The following STAB1 variants were observed in gnomAD, a reference collection of about 807,000 sequenced individuals.
The protein encoded by STAB1 is stabilin-1.
STAB1 carries 250 observed loss-of-function variants against 332.4 expected under a neutral mutation model. The ratio of observed to expected loss-of-function variants is 0.75; its 90% CI spans 0.68 to 0.84. The LOEUF (loss-of-function observed/expected upper bound fraction) is 0.84. STAB1 is among the 40% of genes least tolerant of loss of function. The probability of loss-of-function intolerance (pLI) is 0.00; values close to 1 mark genes in which losing one functional copy is unlikely to be tolerated. For synonymous variants in STAB1, 1,475 were observed against 1,390.4 expected (o/e 1.06, Z -1.35); for missense variants, 3,249 against 3,489.7 (o/e 0.93, Z 1.74).
In STAB1 at chr3:52,518,668, T is replaced by G. The variant is rs1049046969; in HGVS notation, c.4887+55T>G. On this transcript the variant is annotated intron_variant, in intron 47 of 68. Transcript: ENST00000321725. Reference sequence around the variant, plus strand: ...GGGCTGGGTGCTCTGGTGGTGGCCCTGCGTGGGCTGAGGCGGCAGTCAGGG... The same window carrying G: ...GGGCTGGGTGCTCTGGTGGTGGCCCGGCGTGGGCTGAGGCGGCAGTCAGGG... The G allele has an allele frequency of 2.5e-6, 4 of 1,611,560 alleles. No individual in the cohort carries two copies. In the African/African-American group the frequency reaches 5.3e-5, roughly 22 times the overall value.
chr3:52,518,934 C>G (rs2078975973), intron 48 of STAB1, 65 bp downstream of exon 48: 7 of 1,444,696 alleles, frequency 4.8e-6, no homozygotes, highest in Admixed American at 2.6e-5. Context: ...CGCCATTGCC[C>G]CAGGCCCCAC....
intron 6 of STAB1, 102 bp from the exon 7 acceptor site, chr3:52,502,897 G>T: frequency 7.9e-7 from 1 of 1,263,114 alleles, no homozygotes. Flanking sequence ...AGCAAGGTCA[G>T]GGCCCTGCTC....
At chr3:52,499,389 G>A (rs1222938944) in intron 1 of STAB1, among the ~76,000 whole-genome samples, 1 of 152,242 alleles carries the variant, frequency 6.6e-6, no homozygotes, top group Non-Finnish European at 1.5e-5. Context: ...CCATGCCGTG[G>A]TGGCAGGCTG....
intron 54 of STAB1, 37 bp downstream of exon 54, chr3:52,520,735 G>T: frequency 6.2e-7 from 1 of 1,612,406 alleles, no homozygotes; most frequent in Non-Finnish European, 8.5e-7. Context: ...TGGTGGGGTG[G>T]GGGCAGGCAG....
intron 22 of STAB1, chr3:52,509,578 A>C (rs934987199): frequency 6.8e-6 from 4 of 592,000 alleles, no homozygotes; most frequent in African/African-American, 1.9e-5. Flanking sequence ...CACCCAGGCC[A>C]GGAAGGGAAC....
rs772786796 is a variant in STAB1 at position 52,502,166 on chromosome 3, TC to T, written c.427del (p.Arg143AlafsTer107). The T allele has an allele frequency of 6.2e-7, 1 of 1,613,356 alleles. No homozygotes were observed. Reference sequence around the variant, plus strand: ...TGGTGCATCCACCACCAGGAAAACTTCCGCGGCTCAGCCTGCCAGGAGTGCC... The same window carrying T: ...TGGTGCATCCACCACCAGGAAAACTTCGCGGCTCAGCCTGCCAGGAGTGCC... ...RNGTCVCQEN[F>X]RGSACQECQD... On this transcript the variant is annotated frameshift_variant, in exon 5 of 69. Transcript: ENST00000321725. LOFTEE classifies it high-confidence loss of function.
rs772956027 is a variant in STAB1 at position 52,507,717 on chromosome 3, C to T, written c.2052+42C>T. 1.2e-5 allele frequency: 19 copies of T among 1,610,998 alleles called. No individual in the cohort carries two copies. In the African/African-American group the frequency reaches 1.9e-4, roughly 16 times the overall value. ...CCAGCTCTCAGGGCCTCCTGACTGC[C>T]TGTTGAGGTTTCTGCCCTGGGTCAC... is the stretch of plus-strand genomic sequence containing the variant. On this transcript the variant is annotated intron_variant, in intron 19 of 68. Transcript: ENST00000321725.
intron 11 of STAB1, 64 bp from the exon 12 acceptor site, chr3:52,504,675 G>T: frequency 6.2e-7 from 1 of 1,612,810 alleles, no homozygotes; most frequent in Non-Finnish European, 8.5e-7. Context: ...TCCATTGCTG[G>T]GTAGAGGTGG....
chr3:52,517,896 AG>A lies in STAB1; in HGVS notation c.4655del (p.Ser1552ThrfsTer39). 1 of 1,612,000 alleles carries A rather than the reference AG, an allele frequency of 6.2e-7. No homozygotes were observed. Among genetic ancestry groups the A allele is most frequent in the African/African-American group, 1.3e-5 (1 of 75,002 alleles). ...DPCSKNNGGC[S>X]PYATCKSTGD... ...CCTGACTCAGAACAATGGAGGATGC[AG>A]CCCATATGCCACCTGCAAAAGCACA... On this transcript the variant is annotated frameshift_variant, in exon 45 of 69. Coordinates refer to ENST00000321725, the MANE Select transcript of STAB1 (RefSeq NM_015136.3). LOFTEE classifies it high-confidence loss of function.
chr3:52,516,319 C>T, intron 38 of STAB1, 37 bp from the exon 39 acceptor site: 1 of 1,605,478 alleles, frequency 6.2e-7, no homozygotes, highest in Non-Finnish European at 8.5e-7. Context: ...AGGATGGAGG[C>T]ACTGGGCAAC....
At position 52,495,441 on chromosome 3, in the gene STAB1, C is replaced by T. The variant is rs779633970; in HGVS notation, c.28C>T (p.Leu10Phe). 3.7e-6 allele frequency: 5 copies of T among 1,345,484 alleles called. No homozygotes were observed. The African/African-American group carries it at 7.5e-5, about 20-fold the overall frequency. The allele number at this position is 1,345,484 out of a possible 1,614,324, so 83.3% of individuals were successfully genotyped here. The change falls in exon 1 of 69, where the codon CTC (leucine) becomes TTC (phenylalanine). Residue 10 changes from leucine to phenylalanine, a missense_variant. Transcript: ENST00000321725. ...GGCGGGGCCCCGGGGCCTCCTCCCA[C>T]TCTGCCTCCTGGCCTTCTGCCTGGC... MAGPRGLLP[L>F]CLLAFCLAGF...
intron 10 of STAB1, 138 bp downstream of exon 10, chr3:52,504,293 T>G (rs1363075854): frequency 6.9e-7 from 1 of 1,446,276 alleles, no homozygotes; most frequent in Non-Finnish European, 9.3e-7. Flanking sequence ...GGGGGGTGCA[T>G]GCAGGGGGTG....
chr3:52,523,401 G>T (rs774872155), intron 64 of STAB1, 26 bp from the exon 65 acceptor site: 1 of 1,609,456 alleles, frequency 6.2e-7, no homozygotes, highest in East Asian at 2.2e-5. Context: ...TCTGGCCCAG[G>T]CCAACAGGCC....
Position 52,522,607 on chromosome 3 carries a change from G to A in STAB1, c.6663G>A (p.Leu2221=). The change falls in exon 61 of 69, where the codon CTG becomes CTA. Residue 2221 remains leucine, a synonymous_variant. Transcript: ENST00000321725. ...AGGCCACCAGCGGCCCTTATGGTCT[G>A]AACTTTTCGGAGGCTGAGGCGGCAT... ...HLQATSGPYG[L]NFSEAEAACE... The A allele has an allele frequency of 1.9e-6, 3 of 1,613,026 alleles. No homozygotes were observed. The highest frequency in any genetic ancestry group is 1.1e-5 in the South Asian group (1 of 91,084).
Position 52,513,906 on chromosome 3 carries a change from T to A in STAB1, c.3372T>A (p.Asp1124Glu). The change falls in exon 32 of 69, where the codon GAT (aspartate) becomes GAA (glutamate). Residue 1124 changes from aspartate to glutamate, a missense_variant. Transcript: ENST00000321725. ...LSQVLLPPRG[D>E]VPGGQGLLQQ... ...AGGTCTTACTGCCCCCCCGAGGGGA[T>A]GTGCCCGGTGGGCAGGGGTTGCTGC... 2 of 1,604,852 alleles carry A rather than the reference T, an allele frequency of 1.2e-6. No homozygotes were observed. The highest frequency in any genetic ancestry group is 1.7e-6 in the Non-Finnish European group (2 of 1,173,440).
rs1300435192 is a variant in STAB1, at chr3:52,520,122, T to C, written c.5412+2T>C. 7.5e-6 allele frequency: 12 copies of C among 1,610,014 alleles called. No individual in the cohort carries two copies. The highest frequency in any genetic ancestry group is 1.7e-5 in the Admixed American group (1 of 59,894). ...GGCCACATGATTCGCAATGTCGAGG[T>C]GGGTGCAGCCCCCAACCTTGGTCTT... On this transcript the variant is annotated splice_donor_variant, in intron 51 of 68. Transcript: ENST00000321725. LOFTEE classifies it high-confidence loss of function.
At chr3:52,495,818 C>T (rs1707977929) in intron 1 of STAB1, among the ~76,000 whole-genome samples, 2 of 152,194 alleles carry the variant, frequency 1.3e-5, no homozygotes, top group South Asian at 4.1e-4. Flanking sequence ...CTTATGTGGC[C>T]CTCACCTGGG....
chr3:52,500,963 A>G (rs1433507003), intron 1 of STAB1, among the ~76,000 whole-genome samples: 4 of 152,216 alleles, frequency 2.6e-5, no homozygotes, highest in African/African-American at 7.2e-5. Context: ...CCCCATCTGC[A>G]CTGCATTCCC....
At position 52,521,939 on chromosome 3, in the gene STAB1, C is replaced by G; in HGVS notation, c.6259C>G (p.Arg2087Gly). The G allele has an allele frequency of 7.5e-6, 12 of 1,608,630 alleles. No individual in the cohort carries two copies. Among genetic ancestry groups the G allele is most frequent in the Non-Finnish European group, 1.0e-5 (12 of 1,176,548 alleles). ...CAGCCTGGGCTATGAAGGGGATGGC[C>G]GTGTGTGTACAGGTAAGCAGATGGG... is the stretch of plus-strand genomic sequence containing the variant. ...ECSLGYEGDG[R>G]VCTVADLCQD... Residue 2087 changes from arginine (R) to glycine (G), a missense_variant, in exon 58 of 69, where the codon CGT (arginine) becomes GGT (glycine). By Grantham distance (125) the Arg-to-Gly change is moderately radical. Coordinates refer to ENST00000321725, the MANE Select transcript of STAB1 (RefSeq NM_015136.3).
Sources: gnomAD v4.1 joint callset for allele counts (sites outside exome capture counted in the v4.1 genomes callset) on GRCh38, gnomAD v4.1.1 for gene constraint, MANE v1.5 for transcripts, NCBI Gene and HGNC (gene_info 2026-07-23, HGNC 2026-07-21) for gene names.